The following FGD6 variants were observed in gnomAD, a reference collection of about 807,000 sequenced individuals.
FGD6 encodes FYVE, RhoGEF and PH domain containing 6, also known as FYVE, RhoGEF and PH domain-containing protein 6.
FGD6 carries 90 observed loss-of-function variants against 149.4 expected under a neutral mutation model. The ratio of observed to expected loss-of-function variants is 0.60; its 90% CI spans 0.51 to 0.72. The LOEUF is 0.72. FGD6 is among the 30% of genes least tolerant of loss of function. The pLI, the probability that FGD6 is intolerant of heterozygous loss-of-function variation, is 0.00. For missense variants in FGD6, 1,437 were observed against 1,684.8 expected, an observed-to-expected ratio of 0.85 and a Z score of 2.57; for synonymous variants, 527 against 584.0, an observed-to-expected ratio of 0.90 and a Z score of 1.41.
At chr12:95,142,369 TC>T (rs1233733332) in intron 5 of FGD6, among the ~76,000 whole-genome samples, 1 of 151,926 alleles carries the variant, frequency 6.6e-6, no homozygotes, top group East Asian at 1.9e-4. Context: ...GGTCTCGAAT[TC>T]CTGACCTTCT....
chr12:95,091,683 G>A, intron 17 of FGD6, 24 bp downstream of exon 17: 2 of 1,573,480 alleles, frequency 1.3e-6, no homozygotes, highest in African/African-American at 1.4e-5. Context: ...GGAATTTTTG[G>A]TTAAATCCTT....
At chr12:95,083,012 A>AAATAT (rs68032073) in intron 20 of FGD6, among the ~76,000 whole-genome samples, 2 of 20,030 alleles carry the variant, frequency 1.0e-4, no homozygotes, top group African/African-American at 3.0e-4. Context: ...AAAAAAAAAA[A>AAATAT]ATATATATAT....
chr12:95,089,402 G>A (rs1293673498), intron 18 of FGD6, among the ~76,000 whole-genome samples, 167 bp downstream of exon 18: 1 of 152,190 alleles, frequency 6.6e-6, no homozygotes, highest in Non-Finnish European at 1.5e-5. Flanking sequence ...TCAGACGGGA[G>A]ACCAAGCAAG....
At chr12:95,162,598 T>C (rs1284570088) in intron 3 of FGD6, among the ~76,000 whole-genome samples, 2 of 152,048 alleles carry the variant, frequency 1.3e-5, no homozygotes, top group African/African-American at 4.8e-5. Flanking sequence ...GAACTGAACA[T>C]ACAAATAACT....
chr12:95,173,810 C>T (rs1348506047), intron 2 of FGD6, among the ~76,000 whole-genome samples: 1 of 152,086 alleles, frequency 6.6e-6, no homozygotes, highest in Admixed American at 6.6e-5. Context: ...CTCTGGCAGG[C>T]TCTTTCAGCA....
At position 95,080,389 on chromosome 12, in the gene FGD6, G is replaced by A. The variant is rs535107071; in HGVS notation, c.*1131C>T. The A allele has an allele frequency of 1.8e-4, 28 of 152,154 alleles. No homozygotes were observed. The highest frequency in any genetic ancestry group is 6.7e-4 in the African/African-American group (28 of 41,524). 9.4% of individuals were successfully genotyped at this position (152,154 alleles called of 1,614,324 possible). A position where few individuals can be genotyped will look rare whatever the true frequency, so the allele number is the denominator to read the frequency against. The stretch of plus-strand genomic sequence containing the variant: ...TGCAAGGTAGTTCATATGTTAAACA[G>A]TAAGTGCACCAGAATTATGAATCTA... On this transcript the variant is annotated 3_prime_UTR_variant, in exon 21 of 21. Transcript: ENST00000343958.
At chr12:95,137,202 C>G (rs1879691602) in intron 7 of FGD6, among the ~76,000 whole-genome samples, 1 of 152,110 alleles carries the variant, frequency 6.6e-6, no homozygotes, top group Non-Finnish European at 1.5e-5. Flanking sequence ...TCACTTGAAC[C>G]TGGGAGGCGG....
At chr12:95,214,451 T>G in intron 1 of FGD6, among the ~76,000 whole-genome samples, 1 of 152,172 alleles carries the variant, frequency 6.6e-6, no homozygotes, top group South Asian at 2.1e-4. Flanking sequence ...CATGGCTCTA[T>G]TTTGGAAGAA....
chr12:95,173,919 TACACA>T (rs1393569253), intron 2 of FGD6, among the ~76,000 whole-genome samples: 2 of 152,200 alleles, frequency 1.3e-5, no homozygotes, highest in African/African-American at 2.4e-5. Context: ...AGTTCCTGAT[TACACA>T]TGGTAGGATA....
chr12:95,149,585 G>A (rs1217398911), intron 5 of FGD6, among the ~76,000 whole-genome samples: 1 of 139,040 alleles, frequency 7.2e-6, no homozygotes, highest in Non-Finnish European at 1.5e-5. Context: ...CTTGAGCCTA[G>A]AAGTTCAAAA....
intron 14 of FGD6, 135 bp from the exon 15 acceptor site, chr12:95,094,829 G>T: frequency 1.6e-6 from 1 of 641,956 alleles, no homozygotes; most frequent in Non-Finnish European, 2.8e-6. Context: ...ACTCCTCAGA[G>T]TTGAGGCAGG....
At chr12:95,089,852 T>C (rs1314366411) in intron 17 of FGD6, among the ~76,000 whole-genome samples, 156 bp from the exon 18 acceptor site, 1 of 151,402 alleles carries the variant, frequency 6.6e-6, no homozygotes, top group Non-Finnish European at 1.5e-5. Context: ...TGGCTGGGAG[T>C]TGAGTGGCAG....
chr12:95,204,851 C>A (rs992848158), intron 2 of FGD6, among the ~76,000 whole-genome samples: 112 of 152,328 alleles, frequency 7.4e-4, no homozygotes, highest in African/African-American at 2.6e-3. Flanking sequence ...CATTTCAAAG[C>A]TGTTTCTTTG....
At chr12:95,163,090 A>G (rs766645453) in intron 3 of FGD6, among the ~76,000 whole-genome samples, 32 of 152,196 alleles carry the variant, frequency 2.1e-4, no homozygotes, top group Non-Finnish European at 3.8e-4. Flanking sequence ...CAGATGGATA[A>G]CAAAGATTCA....
intron 15 of FGD6, among the ~76,000 whole-genome samples, chr12:95,094,026 G>A (rs1384678415): frequency 1.3e-5 from 2 of 151,472 alleles, no homozygotes; most frequent in African/African-American, 4.9e-5. Context: ...GGGCGTGGTG[G>A]TGCATGCCTG....
At chr12:95,160,008 TAAAA>T (rs1020202934) in intron 3 of FGD6, among the ~76,000 whole-genome samples, 5 of 135,044 alleles carry the variant, frequency 3.7e-5, no homozygotes, top group Admixed American at 1.5e-4. Flanking sequence ...ACCTGTCTCT[TAAAA>T]AAAAAAAAAC....
At chr12:95,100,309 G>A (rs891817202) in intron 14 of FGD6, among the ~76,000 whole-genome samples, 7 of 152,082 alleles carry the variant, frequency 4.6e-5, no homozygotes, top group South Asian at 2.1e-4. Flanking sequence ...GCAGACAATC[G>A]CCTTCCCTCA....
chr12:95,140,949 G>T (rs1879824477), intron 6 of FGD6, among the ~76,000 whole-genome samples: 1 of 152,126 alleles, frequency 6.6e-6, no homozygotes, highest in South Asian at 2.1e-4. Flanking sequence ...ATCTGGTCAG[G>T]CATGGTGGCT....
chr12:95,129,291 G>GCATGCATGCATCCATC, intron 8 of FGD6, among the ~76,000 whole-genome samples: 1 of 142,268 alleles, frequency 7.0e-6, no homozygotes, highest in East Asian at 2.1e-4. Context: ...ATGCATCCAT[G>GCATGCATGCATCCATC]CATCCATGCA....
Sources: gnomAD v4.1 joint callset for allele counts (sites outside exome capture counted in the v4.1 genomes callset) on GRCh38, gnomAD v4.1.1 for gene constraint, MANE v1.5 for transcripts, NCBI Gene and HGNC (gene_info 2026-07-23, HGNC 2026-07-21) for gene names.